The following PTHLH variants were observed in gnomAD, a reference collection of about 807,000 sequenced individuals.
The protein encoded by PTHLH is parathyroid hormone-related protein.
In PTHLH, 5 loss-of-function variants were observed where a neutral mutation model predicts 18.6. The ratio of observed to expected loss-of-function variants is 0.27; its 90% CI spans 0.14 to 0.56. The LOEUF (loss-of-function observed/expected upper bound fraction) is 0.56. Among genes scored for constraint, PTHLH ranks in the 20% least tolerant of loss-of-function variants. PTHLH has a pLI of 0.92. For missense variants in PTHLH, 207 were observed against 223.9 expected (o/e 0.92, Z 0.48); for synonymous variants, 90 against 94.0 (o/e 0.96, Z 0.25).
In PTHLH at chr12:27,958,630, A is replaced by C. The variant is rs182424953; in HGVS notation, c.525-62T>G. On this transcript the variant is annotated intron_variant, in intron 5 of 5. Transcript: ENST00000545234. ...AGGTTAGTTTTCTTTACAAATGAAA[A>C]CATAAAATATAAAGGATATAAGCTA... 4.1e-3 allele frequency: 6,031 copies of C among 1,465,012 alleles called. 13 individuals carry two copies. The highest frequency in any genetic ancestry group is 5.0e-3 in the Non-Finnish European group (5,374 of 1,076,682). 90.8% of individuals were successfully genotyped at this position (1,465,012 alleles called of 1,614,324 possible).
At chr12:27,961,700 G>A in intron 5 of PTHLH, 1 of 461,060 alleles carries the variant, frequency 2.2e-6, no homozygotes. Flanking sequence ...CATTCACTGT[G>A]CTCAAGATTT....
intron 4 of PTHLH, among the ~76,000 whole-genome samples, chr12:27,967,893 T>C (rs2062830670): frequency 6.6e-6 from 1 of 152,202 alleles, no homozygotes; most frequent in Admixed American, 6.5e-5. Flanking sequence ...TAGTTGTGTA[T>C]ATAATCGTGA....
intron 4 of PTHLH, among the ~76,000 whole-genome samples, chr12:27,968,128 A>T (rs1168388465): frequency 2.0e-5 from 3 of 152,260 alleles, no homozygotes; most frequent in Non-Finnish European, 4.4e-5. Context: ...TCAGAAACAC[A>T]TCGGTAAAAT....
At position 27,970,174 on chromosome 12, in the gene PTHLH, G is replaced by T. The variant is rs374545547; in HGVS notation, c.-172C>A. 2.5e-5 allele frequency: 13 copies of T among 515,680 alleles called. No individual in the cohort carries two copies. The East Asian group carries it at 6.5e-4, about 26-fold the overall frequency. 31.9% of individuals were successfully genotyped at this position (515,680 alleles called of 1,614,324 possible). Reference sequence around the variant, plus strand: ...GGAGCGGCAGGGAGGCGGCAGCCCCGCTTCACGGGCGGGGAGACATGCTGG... The same window carrying T: ...GGAGCGGCAGGGAGGCGGCAGCCCCTCTTCACGGGCGGGGAGACATGCTGG... On this transcript the variant is annotated 5_prime_UTR_variant, in exon 3 of 6. Transcript: ENST00000545234.
intron 5 of PTHLH, among the ~76,000 whole-genome samples, chr12:27,961,491 TATGTTTATATATATGAC>T (rs1306600799): frequency 1.3e-5 from 2 of 150,136 alleles, no homozygotes; most frequent in Middle Eastern, 3.5e-3. Flanking sequence ...TTTATATATA[TATGTTTATATATATGAC>T]ATGTTTATAT....
At position 27,961,779 on chromosome 12, in the gene PTHLH, CTATT is replaced by C. The variant is rs530756420; in HGVS notation, c.524+1565_524+1568del. ...TCCCATATGATTGCTATTTTATGTG[CTATT>C]TAATGATGGGTTTGCCAGCTTAAAG... is the stretch of plus-strand genomic sequence containing the variant. On this transcript the variant is annotated intron_variant, in intron 5 of 5. Coordinates refer to ENST00000545234, the MANE Select transcript of PTHLH (RefSeq NM_198965.2). The C allele has an allele frequency of 5.7e-5, 31 of 542,204 alleles. 1 individual carries two copies. In the East Asian group the frequency reaches 8.5e-4, roughly 15 times the overall value. The allele number at this position is 542,204 out of a possible 1,614,324, so 33.6% of individuals were successfully genotyped here. A position where few individuals can be genotyped will look rare whatever the true frequency, so the allele number is the denominator to read the frequency against.
At chr12:27,966,560 A>C (rs1194250048) in intron 4 of PTHLH, among the ~76,000 whole-genome samples, 2 of 152,196 alleles carry the variant, frequency 1.3e-5, no homozygotes, top group African/African-American at 4.8e-5. Context: ...ATAACTCTGA[A>C]ATATTTAAGT....
chr12:27,963,839 A>G, intron 4 of PTHLH, 69 bp from the exon 5 acceptor site: 2 of 1,486,996 alleles, frequency 1.3e-6, no homozygotes, highest in Non-Finnish European at 1.9e-6. Flanking sequence ...CAACAAAGAC[A>G]TGAGTAAATC....
chr12:27,960,639 A>C (rs1220850772), intron 5 of PTHLH, among the ~76,000 whole-genome samples: 1 of 149,804 alleles, frequency 6.7e-6, no homozygotes, highest in Non-Finnish European at 1.5e-5. Context: ...AATCTCTTGA[A>C]CCCAGGAGGC....
rs1299906866 is a variant in PTHLH at position 27,972,024 on chromosome 12, A to T, written c.-358-5T>A. On this transcript the variant is annotated splice_polypyrimidine_tract_variant and splice_region_variant and intron_variant, in intron 1 of 5. Transcript: ENST00000545234. ...GTTAGATCTGAAGGGGGAAATCTGT[A>T]AAAAAAAAAAAAAAAAAAAAAAAAA... is the stretch of plus-strand genomic sequence containing the variant. 4 of 49,936 alleles carry T rather than the reference A, an allele frequency of 8.0e-5. No individual in the cohort carries two copies. Among genetic ancestry groups the T allele is most frequent in the East Asian group, 3.7e-4 (1 of 2,716 alleles). 3.1% of individuals were successfully genotyped at this position (49,936 alleles called of 1,614,324 possible). A position where few individuals can be genotyped will look rare whatever the true frequency, so the allele number is the denominator to read the frequency against.
At chr12:27,969,185 C>G in intron 4 of PTHLH, 2 of 593,400 alleles carry the variant, frequency 3.4e-6, no homozygotes, top group Non-Finnish European at 6.0e-6. Flanking sequence ...AAGTCTCTCT[C>G]TTGCCTGTCT....
chr12:27,962,845 A>T, intron 5 of PTHLH: 1 of 979,446 alleles, frequency 1.0e-6, no homozygotes, highest in Non-Finnish European at 1.2e-6. Context: ...CATTTAATTA[A>T]ATAAAAAGTG....
chr12:27,967,376 G>A (rs1334869198), intron 4 of PTHLH, among the ~76,000 whole-genome samples: 1 of 152,048 alleles, frequency 6.6e-6, no homozygotes, highest in Non-Finnish European at 1.5e-5. Context: ...TTAAAAGTTA[G>A]CATCTAGTTA....
At chr12:27,966,037 C>T (rs1016389170) in intron 4 of PTHLH, among the ~76,000 whole-genome samples, 5 of 152,192 alleles carry the variant, frequency 3.3e-5, no homozygotes, top group Non-Finnish European at 2.9e-5. Context: ...TTTAGCTTAA[C>T]TTGAGGCCAA....
intron 3 of PTHLH, 33 bp from the exon 4 acceptor site, chr12:27,969,549 G>T: frequency 6.7e-7 from 1 of 1,498,900 alleles, no homozygotes; most frequent in Non-Finnish European, 9.0e-7. Flanking sequence ...CCGAGTGTCA[G>T]TCTGGACTCT....
chr12:27,963,574 C>CAT lies in PTHLH; in HGVS notation c.296_297dup (p.Glu100MetfsTer6). 6.2e-7 allele frequency: 1 copy of CAT among 1,614,174 alleles called. No individual in the cohort carries two copies. Among genetic ancestry groups the CAT allele is most frequent in the Non-Finnish European group, 8.5e-7 (1 of 1,180,028 alleles). On this transcript the variant is annotated frameshift_variant, in exon 5 of 6. Coordinates refer to ENST00000545234, the MANE Select transcript of PTHLH (RefSeq NM_198965.2). LOFTEE classifies it high-confidence loss of function. ...GTTTCCTGAGTTAGGTATCTGCCCT[C>CAT]ATCATCAGACCCAAATCGGACGGGG...
intron 5 of PTHLH, chr12:27,962,973 A>G: frequency 2.6e-6 from 3 of 1,140,500 alleles, no homozygotes; most frequent in East Asian, 5.8e-5. Context: ...AACACTGAAG[A>G]AAGTTTGCCC....
chr12:27,962,773 C>T (rs2062772846), intron 5 of PTHLH: 1 of 974,820 alleles, frequency 1.0e-6, no homozygotes, highest in Non-Finnish European at 1.2e-6. Flanking sequence ...AAATTTAAGG[C>T]ATGTGTTTAA....
At position 27,971,678 on chromosome 12, in the gene PTHLH, G is replaced by A. The variant is rs184483077; in HGVS notation, c.-266+249C>T. Among the ~76,000 whole-genome samples the A allele has an allele frequency of 4.3e-3, 659 of 151,792 alleles. 5 individuals are homozygous for A. Among genetic ancestry groups the A allele is most frequent in the Admixed American group, 9.3e-3 (142 of 15,228 alleles). ...AAAGTTTACTGCTTAGGTTGGGTGG[G>A]GGGGCATATTTTCTTAGAAGCTCCT... On this transcript the variant is annotated intron_variant, in intron 2 of 5. Coordinates refer to ENST00000545234, the MANE Select transcript of PTHLH (RefSeq NM_198965.2).
Sources: allele counts gnomAD v4.1 joint callset (sites outside exome capture counted in the v4.1 genomes callset), GRCh38; gene constraint gnomAD v4.1.1; transcripts MANE v1.5; gene names NCBI Gene and HGNC (gene_info 2026-07-23, HGNC 2026-07-21).